HIPK3: variants seen among roughly 807,000 people sequenced by gnomAD.
HIPK3 encodes the protein homeodomain-interacting protein kinase 3.
HIPK3 carries 47 observed loss-of-function variants against 124.2 expected under a neutral mutation model. The observed-to-expected ratio is 0.38, with a 90% confidence interval of 0.30 to 0.48. The LOEUF is 0.48. Ranked by LOEUF, HIPK3 falls within the 20% of genes least tolerant of loss-of-function variation. HIPK3 has a pLI of 0.98. For synonymous variants in HIPK3, 482 were observed against 515.2 expected (o/e 0.94, Z 0.87); for missense variants, 1,286 against 1,454.3 (o/e 0.88, Z 1.88).
intron 2 of HIPK3, among the ~76,000 whole-genome samples, chr11:33,289,931 C>G (rs993057652): frequency 6.6e-6 from 1 of 152,136 alleles, no homozygotes; most frequent in African/African-American, 2.4e-5. Context: ...TCTTTCTGTG[C>G]CTGGCTTATT....
At chr11:33,315,986 T>C (rs996300910) in intron 2 of HIPK3, among the ~76,000 whole-genome samples, 8 of 152,220 alleles carry the variant, frequency 5.3e-5, no homozygotes, top group Non-Finnish European at 7.3e-5. Flanking sequence ...TACATTTGAA[T>C]GAGTATCTAT....
intron 2 of HIPK3, among the ~76,000 whole-genome samples, chr11:33,312,524 C>T (rs1009056778): frequency 6.6e-6 from 1 of 152,094 alleles, no homozygotes; most frequent in African/African-American, 2.4e-5. Context: ...TCGAATACAT[C>T]TTTAAGGAGT....
intron 2 of HIPK3, among the ~76,000 whole-genome samples, chr11:33,302,668 C>T (rs1401457292): frequency 6.6e-6 from 1 of 151,906 alleles, no homozygotes; most frequent in Admixed American, 6.6e-5. Flanking sequence ...TAAACCAGTG[C>T]GTTTGATTCA....
intron 6 of HIPK3, among the ~76,000 whole-genome samples, 200 bp from the exon 7 acceptor site, chr11:33,340,768 G>GA (rs1853308442): frequency 6.6e-6 from 1 of 152,092 alleles, no homozygotes; most frequent in South Asian, 2.1e-4. Flanking sequence ...AAATATTGCA[G>GA]AATATATACT....
chr11:33,310,116 G>C (rs1852277366), intron 2 of HIPK3, among the ~76,000 whole-genome samples: 1 of 152,024 alleles, frequency 6.6e-6, no homozygotes, highest in Non-Finnish European at 1.5e-5. Context: ...TATATTTCTT[G>C]TTAGAATGAC....
chr11:33,269,956 G>A (rs1436343956), intron 1 of HIPK3, among the ~76,000 whole-genome samples: 1 of 151,966 alleles, frequency 6.6e-6, no homozygotes, highest in Non-Finnish European at 1.5e-5. Context: ...TGCCCTGTGT[G>A]TGTGTGTGTA....
chr11:33,326,616 A>G (rs1852819075), intron 2 of HIPK3, among the ~76,000 whole-genome samples: 2 of 152,004 alleles, frequency 1.3e-5, no homozygotes, highest in South Asian at 4.2e-4. Context: ...ATAATCAGAG[A>G]TTATTGTCAG....
chr11:33,330,228 T>G (rs1852933475), intron 3 of HIPK3, among the ~76,000 whole-genome samples: 1 of 152,206 alleles, frequency 6.6e-6, no homozygotes, highest in South Asian at 2.1e-4. Context: ...TTGACAATGT[T>G]TTCAGGATGT....
chr11:33,264,341 TTTTA>T (rs1850901649), intron 1 of HIPK3, among the ~76,000 whole-genome samples: 1 of 152,198 alleles, frequency 6.6e-6, no homozygotes, highest in Non-Finnish European at 1.5e-5. Flanking sequence ...TAGAATTTCT[TTTTA>T]TTTTGAGTAA....
intron 2 of HIPK3, among the ~76,000 whole-genome samples, chr11:33,306,943 T>C (rs1852178363): frequency 6.6e-6 from 1 of 151,504 alleles, no homozygotes. Context: ...ATCCACTTTT[T>C]TTTTTTTTTT....
chr11:33,281,139 G>C (rs553302952), intron 1 of HIPK3, among the ~76,000 whole-genome samples: 1 of 137,748 alleles, frequency 7.3e-6, no homozygotes, highest in South Asian at 2.3e-4. Context: ...GCACGATCTT[G>C]GCTCACTGCA....
At chr11:33,297,955 A>G (rs1851887952) in intron 2 of HIPK3, among the ~76,000 whole-genome samples, 1 of 151,612 alleles carries the variant, frequency 6.6e-6, no homozygotes, top group Non-Finnish European at 1.5e-5. Flanking sequence ...ATGCCTAGCT[A>G]ATTTTTGTAT....
chr11:33,311,885 G>A (rs1338413396), intron 2 of HIPK3, among the ~76,000 whole-genome samples: 1 of 57,588 alleles, frequency 1.7e-5, no homozygotes, highest in Non-Finnish European at 3.9e-5. Flanking sequence ...ACACACACTT[G>A]GGCAACATAG....
intron 2 of HIPK3, among the ~76,000 whole-genome samples, chr11:33,327,743 C>T (rs1852854825): frequency 6.6e-6 from 1 of 152,172 alleles, no homozygotes; most frequent in Admixed American, 6.5e-5. Flanking sequence ...TAAACACATG[C>T]ACACTAATCT....
intron 3 of HIPK3, among the ~76,000 whole-genome samples, chr11:33,330,489 C>CA (rs1565089021): frequency 6.6e-6 from 1 of 152,010 alleles, no homozygotes; most frequent in African/African-American, 2.4e-5. Flanking sequence ...CCACCATGCC[C>CA]GGCCAATTTT....
intron 2 of HIPK3, among the ~76,000 whole-genome samples, chr11:33,292,928 G>A (rs1851738006): frequency 6.6e-6 from 1 of 152,054 alleles, no homozygotes; most frequent in East Asian, 1.9e-4. Context: ...TGGTAGAGAC[G>A]GGATTTCACC....
intron 2 of HIPK3, among the ~76,000 whole-genome samples, chr11:33,290,711 T>C (rs986622406): frequency 6.6e-6 from 1 of 152,002 alleles, no homozygotes; most frequent in African/African-American, 2.4e-5. Flanking sequence ...GGAAATCCTT[T>C]AAAAAGCAAT....
At chr11:33,339,599 A>G in intron 6 of HIPK3, 65 bp downstream of exon 6, 3 of 1,156,890 alleles carry the variant, frequency 2.6e-6, no homozygotes, top group South Asian at 1.6e-5. Flanking sequence ...AAATGACTGC[A>G]TCAGAGAAAT....
At chr11:33,340,295 C>T (rs376563817) in intron 6 of HIPK3, among the ~76,000 whole-genome samples, 6 of 152,156 alleles carry the variant, frequency 3.9e-5, no homozygotes, top group Non-Finnish European at 8.8e-5. Context: ...AGGTTGGTCT[C>T]GAACTTCTGG....
Sources: allele counts gnomAD v4.1 joint callset (sites outside exome capture counted in the v4.1 genomes callset), GRCh38; gene constraint gnomAD v4.1.1; transcripts MANE v1.5; gene names NCBI Gene and HGNC (gene_info 2026-07-23, HGNC 2026-07-21).